ZNF185: variants seen among roughly 807,000 people sequenced by gnomAD.
ZNF185 encodes zinc finger protein 185.
In ZNF185, 56 loss-of-function variants were observed where a neutral mutation model predicts 58.6. The ratio of observed to expected loss-of-function variants is 0.95; its 90% CI spans 0.77 to 1.19. The LOEUF (loss-of-function observed/expected upper bound fraction) is 1.19. Ranked by LOEUF, ZNF185 falls within the 50% of genes most tolerant of loss-of-function variation. The pLI is 0.00. For missense variants in ZNF185, 627 were observed against 573.5 expected, an observed-to-expected ratio of 1.09 and a Z score of -0.95; for synonymous variants, 230 against 215.9, an observed-to-expected ratio of 1.07 and a Z score of -0.57.
chrX:152,916,847 G>T (rs1304468706), intron 3 of ZNF185, among the ~76,000 whole-genome samples: 2 of 112,772 alleles, frequency 1.8e-5, no homozygotes, highest in Non-Finnish European at 3.8e-5. Flanking sequence ...GCTGGCCAAG[G>T]AGAAGCTGGA....
intron 15 of ZNF185, among the ~76,000 whole-genome samples, chrX:152,940,555 G>C (rs1414609321): frequency 2.7e-5 from 3 of 111,069 alleles, no homozygotes; most frequent in African/African-American, 9.8e-5. Flanking sequence ...TTAAGATAAG[G>C]GGTTGTGGAG....
At chrX:152,936,691 G>C (rs976097707) in intron 14 of ZNF185, among the ~76,000 whole-genome samples, 178 bp downstream of exon 16, 4 of 110,768 alleles carry the variant, frequency 3.6e-5, no homozygotes, top group Non-Finnish European at 7.6e-5. Context: ...CAGGGGCAGT[G>C]GAAGAAGAGG....
chrX:152,942,088 G>A (rs186166582), intron 15 of ZNF185, among the ~76,000 whole-genome samples: 1 of 93,079 alleles, frequency 1.1e-5, no homozygotes, highest in Non-Finnish European at 2.2e-5. Context: ...GCTGACCGGG[G>A]CTGGTCTGTG....
chrX:152,960,475 A>AACAG (rs1326097008), intron 17 of ZNF185, among the ~76,000 whole-genome samples: 1 of 112,095 alleles, frequency 8.9e-6, no homozygotes, highest in Non-Finnish European at 1.9e-5. Flanking sequence ...GGTACTAGGG[A>AACAG]ACAGACAACA....
exon 23 of ZNF185, chrX:152,971,723 G>T (rs2050669925): frequency 8.9e-6 from 1 of 112,267 alleles, no homozygotes; most frequent in Admixed American, 9.5e-5. Flanking sequence ...GATTGGCATA[G>T]GCTAGTGTTT....
At chrX:152,943,006 T>C (rs906427915) in intron 15 of ZNF185, among the ~76,000 whole-genome samples, 3 of 111,674 alleles carry the variant, frequency 2.7e-5, no homozygotes, top group African/African-American at 9.8e-5. Context: ...GTATATCTCA[T>C]ATATATATGT....
chrX:152,908,982 G>C, the ZNF185 span, among the ~76,000 whole-genome samples: 1 of 113,296 alleles, frequency 8.8e-6, no homozygotes, highest in African/African-American at 3.2e-5. Context: ...GCTTCCCAGA[G>C]GACGGCATGG....
upstream of ZNF185, among the ~76,000 whole-genome samples, chrX:152,910,272 G>T (rs1716219019): frequency 9.0e-6 from 1 of 111,703 alleles, no homozygotes; most frequent in East Asian, 2.8e-4. Context: ...ACTTCATTTG[G>T]GTAAACCACC....
intron 6 of ZNF185, among the ~76,000 whole-genome samples, chrX:152,918,419 T>G (rs999298299): frequency 4.4e-5 from 5 of 112,670 alleles, no homozygotes; most frequent in Non-Finnish European, 1.9e-5. Flanking sequence ...GCCCCACGGA[T>G]CTGGGGAAAG....
At chrX:152,950,036 G>C (rs1416589036) in intron 16 of ZNF185, among the ~76,000 whole-genome samples, 2 of 111,774 alleles carry the variant, frequency 1.8e-5, no homozygotes, top group African/African-American at 6.5e-5. Context: ...CAGACGACTG[G>C]GGATGATAAG....
intron 14 of ZNF185, among the ~76,000 whole-genome samples, chrX:152,937,503 A>G (rs781812171): frequency 6.3e-5 from 7 of 111,109 alleles, no homozygotes; most frequent in African/African-American, 2.3e-4. Context: ...GTCCACCTGC[A>G]AAGACAGACA....
intron 21 of ZNF185, 96 bp downstream of exon 23, chrX:152,969,580 A>G: frequency 1.5e-6 from 1 of 655,527 alleles, no homozygotes; most frequent in Non-Finnish European, 2.4e-6. Context: ...TTACGGGTTC[A>G]GAGACTGTGG....
At chrX:152,917,517 G>A (rs1938748653) in intron 5 of ZNF185, among the ~76,000 whole-genome samples, 155 bp downstream of exon 6, 1 of 111,821 alleles carries the variant, frequency 8.9e-6, no homozygotes, top group Non-Finnish European at 1.9e-5. Context: ...AGAGCAGGGT[G>A]GGGTGACCAG....
At chrX:152,942,101 G>GCT (rs200064518) in intron 15 of ZNF185, among the ~76,000 whole-genome samples, 35,761 of 111,365 alleles carry the variant, frequency 0.32, 4,148 homozygotes, top group African/African-American at 0.4. Flanking sequence ...GGTCTGTGGG[G>GCT]CAGTGAGGAG....
intron 14 of ZNF185, among the ~76,000 whole-genome samples, chrX:152,936,103 G>A (rs940672937): frequency 8.9e-6 from 1 of 112,128 alleles, no homozygotes; most frequent in Admixed American, 9.4e-5. Context: ...GAATACTTAC[G>A]AGACAGACAT....
exon 23 of ZNF185, chrX:152,973,467 A>C (rs1556921517): frequency 8.9e-6 from 1 of 112,718 alleles, no homozygotes; most frequent in East Asian, 2.8e-4. Flanking sequence ...AAATGGTAAG[A>C]TATCACATGT....
chrX:152,929,502 G>A (rs1399888218), intron 12 of ZNF185, among the ~76,000 whole-genome samples: 1 of 111,120 alleles, frequency 9.0e-6, no homozygotes, highest in East Asian at 2.8e-4. Flanking sequence ...GCTTGGGGAG[G>A]GCTTCCTGGA....
At chrX:152,941,917 G>T (rs1556890246) in intron 15 of ZNF185, 2 of 1,036,641 alleles carry the variant, frequency 1.9e-6, no homozygotes, top group African/African-American at 2.0e-5. Flanking sequence ...CCCGCGAGGG[G>T]CCGAACGGGG....
chrX:152,904,403 C>A, the ZNF185 span, among the ~76,000 whole-genome samples: 1 of 112,956 alleles, frequency 8.9e-6, no homozygotes, highest in African/African-American at 3.2e-5. Flanking sequence ...GCTCCATCCC[C>A]TTCCCAGAGG....
Sources: allele counts gnomAD v4.1 joint callset (sites outside exome capture counted in the v4.1 genomes callset), GRCh38; gene constraint gnomAD v4.1.1; transcripts MANE v1.5; gene names NCBI Gene and HGNC (gene_info 2026-07-23, HGNC 2026-07-21).